The following DOCK1 variants were observed in gnomAD, a reference collection of about 807,000 sequenced individuals.
DOCK1 encodes dedicator of cytokinesis 1, also known as dedicator of cytokinesis protein 1.
DOCK1 carries 138 observed loss-of-function variants against 262.7 expected under a neutral mutation model. The ratio of observed to expected loss-of-function variants is 0.53; its 90% confidence interval spans 0.46 to 0.61. DOCK1 has a LOEUF of 0.61. Ranked by LOEUF, DOCK1 falls within the 20% of genes least tolerant of loss-of-function variation. DOCK1 has a pLI of 0.00. For missense variants in DOCK1, 1,908 were observed against 2,370.7 expected (o/e 0.80, Z 4.05); for synonymous variants, 866 against 867.4 (o/e 1.00, Z 0.03).
At chr10:127,136,667 C>CT (rs1396719285) in intron 27 of DOCK1, 2 of 152,604 alleles carry the variant, frequency 1.3e-5, no homozygotes, top group Admixed American at 6.5e-5. Context: ...AGAGAGAACT[C>CT]TAAGTGTTAC....
rs558498197 is a variant in DOCK1 at position 127,037,795 on chromosome 10, C to T, written c.1989C>T (p.Val663=). 46 of 1,592,654 alleles carry T rather than the reference C, an allele frequency of 2.9e-5. No homozygotes were observed. The highest frequency in any genetic ancestry group is 2.2e-4 in the South Asian group (19 of 87,388). The change falls in exon 19 of 52, where the codon GTC becomes GTT. Residue 663 remains valine, a synonymous_variant. Transcript: ENST00000623213. ...LQQNLRQLMK[V]DGGEVVKFLQ... ...AGAACTTGAGGCAGCTGATGAAAGT[C>T]GATGGTGGTGAAGTAGTGAAGGTAA...
chr10:127,395,026 C>T (rs1294008840), intron 38 of DOCK1, among the ~76,000 whole-genome samples: 1 of 152,136 alleles, frequency 6.6e-6, no homozygotes, highest in Non-Finnish European at 1.5e-5. Flanking sequence ...TTAAGTTTGC[C>T]AGATGATGGC....
At chr10:127,208,362 C>T (rs553926361) in intron 27 of DOCK1, among the ~76,000 whole-genome samples, 5 of 152,302 alleles carry the variant, frequency 3.3e-5, no homozygotes, top group African/African-American at 1.2e-4. Context: ...TCATCTCCAG[C>T]TGATTGATTT....
chr10:127,364,019 G>A (rs2064748562), intron 33 of DOCK1, among the ~76,000 whole-genome samples: 1 of 152,198 alleles, frequency 6.6e-6, no homozygotes, highest in Non-Finnish European at 1.5e-5. Context: ...ACGGTGCCTG[G>A]CACTATAAAA....
At chr10:127,199,955 G>T (rs1325764873) in intron 27 of DOCK1, among the ~76,000 whole-genome samples, 1 of 152,208 alleles carries the variant, frequency 6.6e-6, no homozygotes, top group Non-Finnish European at 1.5e-5. Flanking sequence ...GAAGAGAAAA[G>T]TGTCTCCAAA....
intron 23 of DOCK1, among the ~76,000 whole-genome samples, chr10:127,101,720 CA>C (rs1481227547): frequency 2.0e-5 from 3 of 152,184 alleles, no homozygotes; most frequent in Non-Finnish European, 1.5e-5. Flanking sequence ...GCAGGTGGGC[CA>C]TAAAGGCCTG....
chr10:127,374,886 T>C (rs1450345539), intron 35 of DOCK1, among the ~76,000 whole-genome samples: 5 of 152,220 alleles, frequency 3.3e-5, no homozygotes, highest in Non-Finnish European at 7.3e-5. Flanking sequence ...TAGGGGAACG[T>C]TGTCCTACTC....
In DOCK1 at chr10:126,999,448, A is replaced by C. The variant is rs552966918; in HGVS notation, c.849+13A>C. On this transcript the variant is annotated intron_variant, in intron 9 of 51. Coordinates refer to ENST00000623213, the MANE Select transcript of DOCK1 (RefSeq NM_001290223.2). Reference sequence around the variant, plus strand: ...AGCCGTGTTTACTGTAAGTGCACCCAAAGATGCTTAGTTGAATTGGCTACC... The same window carrying C: ...AGCCGTGTTTACTGTAAGTGCACCCCAAGATGCTTAGTTGAATTGGCTACC... The C allele has an allele frequency of 1.1e-5, 17 of 1,608,982 alleles. No individual in the cohort carries two copies. The African/African-American group carries it at 2.1e-4, about 20-fold the overall frequency.
intron 31 of DOCK1, among the ~76,000 whole-genome samples, chr10:127,346,467 G>A (rs1050913587): frequency 4.6e-5 from 7 of 152,114 alleles, no homozygotes; most frequent in South Asian, 2.1e-4. Context: ...GTGGTGGCGC[G>A]CACCTGTGGT....
chr10:127,354,374 C>G (rs181079483), intron 31 of DOCK1, among the ~76,000 whole-genome samples: 1 of 152,212 alleles, frequency 6.6e-6, no homozygotes, highest in East Asian at 1.9e-4. Flanking sequence ...CCCCCTTGGG[C>G]CCAGGAGCCA....
At position 127,318,944 on chromosome 10, in the gene DOCK1, G is replaced by C. The variant is rs139691965; in HGVS notation, c.3045-20062G>C. On this transcript the variant is annotated intron_variant, in intron 29 of 51. Coordinates refer to ENST00000623213, the MANE Select transcript of DOCK1 (RefSeq NM_001290223.2). ...GGAAAGGCTTTGGAGTGTGGGTGCT[G>C]GGGCTGTCCCTTGACCAGAGACTGG... 7.7e-3 allele frequency among the ~76,000 whole-genome samples: 1,176 copies of C among 152,300 alleles called. 6 individuals carry two copies. Among genetic ancestry groups the C allele is most frequent in the Admixed American group, 0.013 (196 of 15,300 alleles).
At chr10:127,125,111 C>G (rs764280607) in intron 25 of DOCK1, among the ~76,000 whole-genome samples, 1 of 152,084 alleles carries the variant, frequency 6.6e-6, no homozygotes, top group African/African-American at 2.4e-5. Flanking sequence ...AGCAAGACTC[C>G]GTCTCAAAAA....
At chr10:126,992,769 G>C (rs11016802) in intron 6 of DOCK1, among the ~76,000 whole-genome samples, 28 of 130,374 alleles carry the variant, frequency 2.1e-4, no homozygotes, top group African/African-American at 7.3e-4. Flanking sequence ...CACACAGACA[G>C]ACACAGACAC....
At chr10:127,450,784 T>G (rs1454579485) in intron 51 of DOCK1, among the ~76,000 whole-genome samples, 2 of 152,310 alleles carry the variant, frequency 1.3e-5, no homozygotes, top group East Asian at 1.9e-4. Context: ...GTGAATAGTT[T>G]TCTTGGAACA....
intron 27 of DOCK1, among the ~76,000 whole-genome samples, chr10:127,241,679 G>A (rs1354519754): frequency 1.3e-5 from 2 of 152,176 alleles, no homozygotes; most frequent in African/African-American, 4.8e-5. Context: ...AAGGTTAGGA[G>A]GGGTTAGTTT....
chr10:127,160,657 G>A lies in DOCK1; in HGVS notation c.2847+32893G>A, dbSNP rs550311442. Among the ~76,000 whole-genome samples, 6 of 152,348 alleles carry A rather than the reference G, an allele frequency of 3.9e-5. No homozygotes were observed. In the South Asian group the frequency reaches 1.2e-3, roughly 32 times the overall value. On this transcript the variant is annotated intron_variant, in intron 27 of 51. Coordinates refer to ENST00000623213, the MANE Select transcript of DOCK1 (RefSeq NM_001290223.2). The stretch of plus-strand genomic sequence containing the variant: ...GTTCATTACATAGGGTATGGCAATT[G>A]TCACACTGAATCAATTCAGAGGCTG...
intron 25 of DOCK1, among the ~76,000 whole-genome samples, chr10:127,117,085 A>G (rs2132959969): frequency 1.3e-5 from 2 of 152,354 alleles, no homozygotes; most frequent in Middle Eastern, 6.8e-3. Context: ...GCAGGATTTT[A>G]GAAATGACTT....
chr10:126,991,830 G>GAAATCTCAAGTTTT (rs2039810633), intron 6 of DOCK1, among the ~76,000 whole-genome samples: 1 of 152,082 alleles, frequency 6.6e-6, no homozygotes, highest in Non-Finnish European at 1.5e-5. Context: ...CTCCCAGCCG[G>GAAATCTCAAGTTTT]AAATCTCAAG....
chr10:127,014,287 T>C (rs1270547909), intron 12 of DOCK1, among the ~76,000 whole-genome samples: 1 of 152,254 alleles, frequency 6.6e-6, no homozygotes, highest in African/African-American at 2.4e-5. Flanking sequence ...AGATAGAATG[T>C]ATGCTAATCC....
Sources: gnomAD v4.1 joint callset for allele counts (sites outside exome capture counted in the v4.1 genomes callset) on GRCh38, gnomAD v4.1.1 for gene constraint, MANE v1.5 for transcripts, NCBI Gene and HGNC (gene_info 2026-07-23, HGNC 2026-07-21) for gene names.